PDE4D: variants seen among roughly 807,000 people sequenced by gnomAD.
PDE4D encodes 3',5'-cyclic-AMP phosphodiesterase 4D.
In PDE4D, 24 loss-of-function variants were observed where a neutral mutation model predicts 87.4. That is an observed-to-expected ratio of 0.27 (90% CI 0.20 to 0.39). The LOEUF (loss-of-function observed/expected upper bound fraction) is 0.39. Ranked by LOEUF, PDE4D falls within the 10% of genes least tolerant of loss-of-function variation. PDE4D has a pLI of 1.00. For synonymous variants in PDE4D, 384 were observed against 383.2 expected (o/e 1.00, Z -0.02); for missense variants, 714 against 1,041.0 (o/e 0.69, Z 4.32).
chr5:59,511,991 G>A (rs1810356038), intron 1 of PDE4D, among the ~76,000 whole-genome samples: 1 of 152,076 alleles, frequency 6.6e-6, no homozygotes, highest in Non-Finnish European at 1.5e-5. Flanking sequence ...ATGTAACAAA[G>A]TTTGGCGCTC....
intron 1 of PDE4D, among the ~76,000 whole-genome samples, chr5:59,320,075 A>G (rs1774439918): frequency 6.6e-6 from 1 of 151,992 alleles, no homozygotes; most frequent in African/African-American, 2.4e-5. Flanking sequence ...ATCCCCAGCC[A>G]TACCTTATTG....
chr5:59,442,086 G>C (rs1797709239), intron 1 of PDE4D, among the ~76,000 whole-genome samples: 1 of 152,122 alleles, frequency 6.6e-6, no homozygotes, highest in Non-Finnish European at 1.5e-5. Context: ...GTGATAGTGA[G>C]ATTATGGCTA....
chr5:59,315,924 T>C (rs1773623144), intron 1 of PDE4D, among the ~76,000 whole-genome samples: 1 of 152,088 alleles, frequency 6.6e-6, no homozygotes, highest in Non-Finnish European at 1.5e-5. Context: ...AATCAGGAAA[T>C]AGTAACTTTA....
At chr5:59,550,673 G>A (rs905236179) in intron 1 of PDE4D, among the ~76,000 whole-genome samples, 3 of 150,874 alleles carry the variant, frequency 2.0e-5, no homozygotes, top group Non-Finnish European at 4.4e-5. Context: ...TGGAAGAAAG[G>A]TCATTTTTTT....
chr5:59,082,904 C>A (rs1306582828), intron 5 of PDE4D, among the ~76,000 whole-genome samples: 1 of 152,148 alleles, frequency 6.6e-6, no homozygotes, highest in Admixed American at 6.5e-5. Context: ...AGGCCTACTA[C>A]TACACAGTTG....
intron 9 of PDE4D, 140 bp downstream of exon 9, chr5:58,990,664 G>T: frequency 1.9e-6 from 1 of 523,024 alleles, no homozygotes; most frequent in South Asian, 3.2e-5. Flanking sequence ...TTGTCCCTTG[G>T]CAAAGGAGCA....
At chr5:60,284,434 C>G (rs2149755568) in intron 1 of PDE4D, among the ~76,000 whole-genome samples, 1 of 152,268 alleles carries the variant, frequency 6.6e-6, no homozygotes, top group African/African-American at 2.4e-5. Context: ...CACCAGACTT[C>G]ACCCCAAAGT....
chr5:59,237,242 A>G (rs897395354), intron 1 of PDE4D, among the ~76,000 whole-genome samples: 7 of 152,188 alleles, frequency 4.6e-5, no homozygotes, highest in Admixed American at 3.3e-4. Context: ...ATAATAAAGC[A>G]ACTGGCTTTA....
chr5:58,986,935 C>CAGTTTGAATGTTTGGTGTTTAAG, intron 11 of PDE4D, among the ~76,000 whole-genome samples: 1 of 144,716 alleles, frequency 6.9e-6, no homozygotes, highest in East Asian at 2.1e-4. Flanking sequence ...GAAAACATAC[C>CAGTTTGAATGTTTGGTGTTTAAG]AGTTTGAATG....
chr5:59,533,834 T>C (rs2153680805), intron 1 of PDE4D, among the ~76,000 whole-genome samples: 1 of 152,322 alleles, frequency 6.6e-6, no homozygotes, highest in South Asian at 2.1e-4. Context: ...TTTTACTTTC[T>C]TACCTTAAAA....
intron 1 of PDE4D, among the ~76,000 whole-genome samples, chr5:59,785,048 T>C (rs1409558035): frequency 6.6e-6 from 1 of 152,198 alleles, no homozygotes; most frequent in African/African-American, 2.4e-5. Flanking sequence ...CAGTCTTGAG[T>C]ATGTCTTTAT....
chr5:59,466,507 G>C (rs1801604441), intron 1 of PDE4D, among the ~76,000 whole-genome samples: 1 of 152,178 alleles, frequency 6.6e-6, no homozygotes, highest in African/African-American at 2.4e-5. Context: ...CTGCTGACGA[G>C]AATGCTGTTG....
intron 1 of PDE4D, among the ~76,000 whole-genome samples, chr5:60,385,260 T>C (rs969440165): frequency 1.3e-5 from 2 of 152,178 alleles, no homozygotes; most frequent in Non-Finnish European, 1.5e-5. Flanking sequence ...GAAGGAACAA[T>C]ACTGGTGTGT....
intron 1 of PDE4D, among the ~76,000 whole-genome samples, chr5:60,230,798 T>C (rs967984254): frequency 5.3e-5 from 8 of 152,228 alleles, no homozygotes; most frequent in Middle Eastern, 3.4e-3. Flanking sequence ...TCTAAAATCA[T>C]TTGGCAGCCT....
At chr5:59,172,045 TAA>T (rs1491183013) in intron 5 of PDE4D, among the ~76,000 whole-genome samples, 6 of 6,930 alleles carry the variant, frequency 8.7e-4, no homozygotes, top group South Asian at 2.5e-3. Flanking sequence ...ATTATATATA[TAA>T]TATATATATA....
intron 1 of PDE4D, among the ~76,000 whole-genome samples, chr5:59,844,381 T>A (rs1743510965): frequency 6.6e-6 from 1 of 152,122 alleles, no homozygotes; most frequent in African/African-American, 2.4e-5. Flanking sequence ...TGATACTATG[T>A]TATATAAACA....
chr5:60,150,603 A>G (rs781322393), intron 2 of PDE4D, among the ~76,000 whole-genome samples: 1 of 152,170 alleles, frequency 6.6e-6, no homozygotes, highest in Non-Finnish European at 1.5e-5. Flanking sequence ...GTAAATAGCC[A>G]TTTCTGTTCT....
chr5:59,090,251 C>G (rs534089740), intron 5 of PDE4D, among the ~76,000 whole-genome samples: 5 of 152,208 alleles, frequency 3.3e-5, no homozygotes, highest in South Asian at 4.1e-4. Context: ...TAGCCAGTTG[C>G]TAATAGTGAT....
chr5:59,874,803 T>C (rs1459415181), intron 1 of PDE4D, among the ~76,000 whole-genome samples: 1 of 152,210 alleles, frequency 6.6e-6, no homozygotes, highest in East Asian at 1.9e-4. Context: ...ATGGGACTAA[T>C]GGAGCATTAA....
Sources: gnomAD v4.1 joint callset for allele counts (sites outside exome capture counted in the v4.1 genomes callset) on GRCh38, gnomAD v4.1.1 for gene constraint, MANE v1.5 for transcripts, NCBI Gene and HGNC (gene_info 2026-07-23, HGNC 2026-07-21) for gene names.